The following SUPT16H variants were observed in gnomAD, a reference collection of about 807,000 sequenced individuals.
SUPT16H encodes the protein SPT16 homolog, facilitates chromatin remodeling subunit, also known as FACT complex subunit SPT16.
Under a neutral mutation model 136.2 loss-of-function variants are expected in SUPT16H, and 24 were observed. The ratio of observed to expected loss-of-function variants is 0.18; its 90% CI spans 0.13 to 0.25. The LOEUF is 0.25. Ranked by LOEUF, SUPT16H falls within the 10% of genes least tolerant of loss-of-function variation. The probability of loss-of-function intolerance (pLI) is 1.00; values close to 1 mark genes in which losing one functional copy is unlikely to be tolerated. For synonymous variants in SUPT16H, 415 were observed against 428.2 expected (o/e 0.97, Z 0.38); for missense variants, 623 against 1,270.2 (o/e 0.49, Z 7.74).
At chr14:21,354,139 AAAT>A (rs1292179284) in intron 23 of SUPT16H, among the ~76,000 whole-genome samples, 5 of 152,248 alleles carry the variant, frequency 3.3e-5, no homozygotes, top group Admixed American at 2.6e-4. Flanking sequence ...ATTTTTTAAA[AAAT>A]AATTTTTGCA....
chr14:21,359,418 C>T (rs559025403), intron 19 of SUPT16H, 66 bp downstream of exon 19: 1 of 1,581,104 alleles, frequency 6.3e-7, no homozygotes, highest in South Asian at 1.2e-5. Context: ...AAATACAATC[C>T]CTGAGCTTGG....
At chr14:21,357,453 A>C in intron 21 of SUPT16H, 87 bp from the exon 22 acceptor site, 1 of 1,329,942 alleles carries the variant, frequency 7.5e-7, no homozygotes, top group Non-Finnish European at 9.9e-7. Flanking sequence ...CTAAATCACT[A>C]CATAAAAGAT....
rs1886712677 is a variant in SUPT16H at position 21,368,217 on chromosome 14, AAT to A, written c.955+50_955+51del. 7 of 1,561,264 alleles carry A rather than the reference AAT, an allele frequency of 4.5e-6. No individual in the cohort carries two copies. The African/African-American group carries it at 6.8e-5, about 15-fold the overall frequency. ...CAGGTGTGACCCACAGCTCCCGGCC[AAT>A]GACATTTTTGTTACACAACTTTCAA... On this transcript the variant is annotated intron_variant, in intron 7 of 25. Transcript: ENST00000216297.
chr14:21,380,751 G>C (rs560998730), intron 1 of SUPT16H, among the ~76,000 whole-genome samples: 1 of 152,134 alleles, frequency 6.6e-6, no homozygotes, highest in South Asian at 2.1e-4. Flanking sequence ...ATATCAGAAT[G>C]TCCCAACAGG....
At chr14:21,381,741 C>T (rs115928289) in intron 1 of SUPT16H, among the ~76,000 whole-genome samples, 2,056 of 150,746 alleles carry the variant, frequency 0.014, 50 homozygotes, top group African/African-American at 0.048. Flanking sequence ...TCACAAGTAG[C>T]TAGGACTATA....
chr14:21,364,792 T>G (rs1886630220), intron 10 of SUPT16H, 35 bp downstream of exon 10: 1 of 1,584,472 alleles, frequency 6.3e-7, no homozygotes, highest in African/African-American at 1.3e-5. Context: ...AGAAGTTAGT[T>G]CATGAAGACT....
chr14:21,370,323 G>A lies in SUPT16H; in HGVS notation c.483+13C>T. On this transcript the variant is annotated intron_variant, in intron 4 of 25. Coordinates refer to ENST00000216297, the MANE Select transcript of SUPT16H (RefSeq NM_007192.4). ...CTCAACTCTTGATTTGCTATTTCCA[G>A]TAGTATTCTTACTTTGTCAAAGCCT... The A allele has an allele frequency of 6.2e-7, 1 of 1,609,954 alleles. No homozygotes were observed. The highest frequency in any genetic ancestry group is 2.2e-5 in the East Asian group (1 of 44,840).
rs541544244 is a variant in SUPT16H, at chr14:21,355,771, T to C, written c.2661-1231A>G. 4.6e-5 allele frequency among the ~76,000 whole-genome samples: 7 copies of C among 152,034 alleles called. No individual in the cohort carries two copies. In the South Asian group the frequency reaches 1.5e-3, roughly 32 times the overall value. On this transcript the variant is annotated intron_variant, in intron 22 of 25. Transcript: ENST00000216297. ...GGTAAGAAGAAAAAAATCAAAGAAATGACAATAGTAAGGATAAAAACAAAC... is the reference window on the plus strand; with the variant it reads ...GGTAAGAAGAAAAAAATCAAAGAAACGACAATAGTAAGGATAAAAACAAAC...
rs187648088 is a variant in SUPT16H at position 21,370,644 on chromosome 14, T to C, written c.331-156A>G. Among the ~76,000 whole-genome samples the C allele has an allele frequency of 3.3e-5, 5 of 152,304 alleles. No homozygotes were observed. In the East Asian group the frequency reaches 7.7e-4, roughly 24 times the overall value. On this transcript the variant is annotated intron_variant, in intron 3 of 25. Transcript: ENST00000216297. ...TTACTTTTAAAGAGACAGGGTCTTGTTCTACTACCCCCAGGGTAGAGCACA... is the reference window on the plus strand; with the variant it reads ...TTACTTTTAAAGAGACAGGGTCTTGCTCTACTACCCCCAGGGTAGAGCACA...
intron 22 of SUPT16H, among the ~76,000 whole-genome samples, chr14:21,355,445 AT>A (rs1886408376): frequency 6.7e-6 from 1 of 150,160 alleles, no homozygotes; most frequent in African/African-American, 2.5e-5. Flanking sequence ...GTGAGCCGAG[AT>A]CGTGCCACTG....
At chr14:21,383,430 C>T in intron 1 of SUPT16H, 1 of 525,586 alleles carries the variant, frequency 1.9e-6, no homozygotes, top group Non-Finnish European at 3.4e-6. Flanking sequence ...TCCTCCTTGC[C>T]CTTCCATCTC....
rs1228377964 is a variant in SUPT16H, at chr14:21,369,219, T to C, written c.767A>G (p.Lys256Arg). 1 of 1,613,876 alleles carries C rather than the reference T, an allele frequency of 6.2e-7. No individual in the cohort carries two copies. The highest frequency in any genetic ancestry group is 2.2e-5 in the East Asian group (1 of 44,890). The change falls in exon 6 of 26, where the codon AAG becomes AGG. Residue 256 changes from lysine to arginine, a missense_variant. Around this residue, in one of 7 missense-constraint regions of SUPT16H, gnomAD observed 343 missense variants for 525.7 expected, o/e 0.65. Transcript: ENST00000216297. ...IIQSGGNYNL[K>R]FSVVSDKNHM... ...ATATACTTACCTCACCACACTGAAC[T>C]TGAGATTATAGTTGCCACCACTCTG...
chr14:21,371,998 C>A lies in SUPT16H; in HGVS notation c.206G>T (p.Cys69Phe). ...GGCCATAAAGATGATTTTGTCATCA[C>A]AAAAGACCATGATAGTATCAGTTAG... Reference protein sequence around the residue: ...YELTDTIMVFCDDKIIFMASK... With the variant: ...YELTDTIMVFFDDKIIFMASK... Residue 69 changes from cysteine (C) to phenylalanine (F), a missense_variant, in exon 3 of 26, where the codon TGT becomes TTT. Cys to Phe is a radical substitution (Grantham distance 205, BLOSUM62 -2). Around this residue, in one of 7 missense-constraint regions of SUPT16H, gnomAD observed 343 missense variants for 525.7 expected, o/e 0.65. Coordinates refer to ENST00000216297, the MANE Select transcript of SUPT16H (RefSeq NM_007192.4). The A allele has an allele frequency of 1.2e-6, 2 of 1,613,960 alleles. No individual in the cohort carries two copies. Among genetic ancestry groups the A allele is most frequent in the Non-Finnish European group, 1.7e-6 (2 of 1,180,008 alleles).
chr14:21,368,503 A>C, intron 6 of SUPT16H, 62 bp from the exon 7 acceptor site: 1 of 1,510,344 alleles, frequency 6.6e-7, no homozygotes, highest in South Asian at 1.3e-5. Context: ...CTTGGTATCA[A>C]TGGGACACGG....
At chr14:21,368,757 T>C (rs745894367) in intron 6 of SUPT16H, among the ~76,000 whole-genome samples, 1 of 152,214 alleles carries the variant, frequency 6.6e-6, no homozygotes, top group Admixed American at 6.5e-5. Context: ...GAGTCACTTA[T>C]CCATTAGTCC....
At position 21,360,979 on chromosome 14, in the gene SUPT16H, A is replaced by G; in HGVS notation, c.1930-7T>C. The G allele has an allele frequency of 6.2e-7, 1 of 1,612,240 alleles. No individual in the cohort carries two copies. Among genetic ancestry groups the G allele is most frequent in the South Asian group, 1.1e-5 (1 of 90,768 alleles). On this transcript the variant is annotated splice_region_variant and splice_polypyrimidine_tract_variant and intron_variant, in intron 16 of 25. Transcript: ENST00000216297. ...AGTCTTGTTTTACAATCCCCTAAGC[A>G]AGAAGAAAATTAATGTGAATTGTCA...
intron 1 of SUPT16H, among the ~76,000 whole-genome samples, chr14:21,380,322 G>T: frequency 8.1e-5 from 1 of 12,342 alleles, no homozygotes; most frequent in Non-Finnish European, 3.3e-4. Flanking sequence ...TAAAGAAATG[G>T]GCTCTCTCTC....
At chr14:21,375,569 A>T (rs894606497) in intron 1 of SUPT16H, among the ~76,000 whole-genome samples, 1 of 151,988 alleles carries the variant, frequency 6.6e-6, no homozygotes, top group Non-Finnish European at 1.5e-5. Context: ...CAAAGTTTCT[A>T]ATTTTGAAGT....
At chr14:21,383,658 C>G in intron 1 of SUPT16H, 1 of 717,852 alleles carries the variant, frequency 1.4e-6, no homozygotes. Context: ...TGGTGATGGC[C>G]GCAGGACAGG....
Sources: gnomAD v4.1 joint callset for allele counts (sites outside exome capture counted in the v4.1 genomes callset) on GRCh38, gnomAD v4.1.1 for gene constraint, gnomAD v4.1.1 regional missense constraint, MANE v1.5 for transcripts, NCBI Gene and HGNC (gene_info 2026-07-23, HGNC 2026-07-21) for gene names.